Variants in ATAD2B observed in about 807,000 individuals in gnomAD.
ATAD2B encodes ATPase family AAA domain-containing protein 2B.
Under a neutral mutation model 167.6 loss-of-function variants are expected in ATAD2B, and 40 were observed. That is an observed-to-expected ratio of 0.24 (90% CI 0.19 to 0.31). ATAD2B has a LOEUF of 0.31. Ranked by LOEUF, ATAD2B falls within the 10% of genes least tolerant of loss-of-function variation. ATAD2B has a pLI of 1.00. For synonymous variants in ATAD2B, 579 were observed against 596.5 expected, an observed-to-expected ratio of 0.97 and a Z score of 0.43; for missense variants, 1,242 against 1,757.2, an observed-to-expected ratio of 0.71 and a Z score of 5.24.
In ATAD2B at chr2:23,823,280, A is replaced by G. The variant is rs745540881; in HGVS notation, c.2109T>C (p.Ile703=). ...VLQKVFPHAE[I]SQSDKKEDIE... is the part of the protein sequence containing the mutation. ...TACCTTCTTTTTTGTCACTCTGGCT[A>G]ATTTCAGCATGAGGAAACACTTTTT... is the stretch of plus-strand genomic sequence containing the variant. Residue 703 remains isoleucine, a synonymous_variant, in exon 16 of 28, where the codon ATT becomes ATC. Transcript: ENST00000238789. 2 of 1,611,640 alleles carry G rather than the reference A, an allele frequency of 1.2e-6. No individual in the cohort carries two copies. The highest frequency in any genetic ancestry group is 3.3e-5 in the Admixed American group (2 of 59,846).
At chr2:23,698,778 CCTT>C in the ATAD2B span, among the ~76,000 whole-genome samples, 22 of 152,098 alleles carry the variant, frequency 1.4e-4, no homozygotes, top group Non-Finnish European at 2.4e-4. Context: ...ATTAGCATAT[CCTT>C]CTCAAGCAGG....
chr2:23,791,682 A>G (rs1466345226), intron 19 of ATAD2B, among the ~76,000 whole-genome samples: 1 of 152,216 alleles, frequency 6.6e-6, no homozygotes, highest in African/African-American at 2.4e-5. Context: ...TAATGTCTTC[A>G]AGCTTCATCC....
At chr2:23,859,816 G>A (rs143784146) in intron 12 of ATAD2B, among the ~76,000 whole-genome samples, 8 of 151,830 alleles carry the variant, frequency 5.3e-5, no homozygotes, top group Non-Finnish European at 7.4e-5. Context: ...CGCGTGGCGG[G>A]GGGGGCACCT....
intron 25 of ATAD2B, among the ~76,000 whole-genome samples, chr2:23,757,027 TAA>T (rs1676031434): frequency 6.6e-6 from 1 of 152,154 alleles, no homozygotes; most frequent in South Asian, 2.1e-4. Flanking sequence ...CTATTATCAC[TAA>T]GTCTTCTCTG....
intron 21 of ATAD2B, among the ~76,000 whole-genome samples, chr2:23,783,717 AG>A (rs745945666): frequency 2.0e-5 from 3 of 152,120 alleles, no homozygotes; most frequent in Non-Finnish European, 4.4e-5. Context: ...CAATAAATTG[AG>A]TATCCCTGAC....
At chr2:23,821,024 T>C (rs192834311) in intron 16 of ATAD2B, among the ~76,000 whole-genome samples, 11 of 152,284 alleles carry the variant, frequency 7.2e-5, no homozygotes, top group Admixed American at 2.0e-4. Flanking sequence ...TTTTGAGTGA[T>C]AATTTCATAC....
chr2:23,923,145 T>C (rs1003055720), intron 1 of ATAD2B, among the ~76,000 whole-genome samples: 1 of 152,186 alleles, frequency 6.6e-6, no homozygotes, highest in African/African-American at 2.4e-5. Flanking sequence ...GTGGTGTACA[T>C]GTGTGCATGC....
chr2:23,711,293 A>T, the ATAD2B span, among the ~76,000 whole-genome samples: 25 of 147,830 alleles, frequency 1.7e-4, no homozygotes, highest in African/African-American at 5.5e-4. Flanking sequence ...ATATATTTTT[A>T]AAAATGGGTA....
At chr2:23,878,010 CAAAG>C (rs1434845158) in intron 7 of ATAD2B, among the ~76,000 whole-genome samples, 711 of 28,366 alleles carry the variant, frequency 0.025, 50 homozygotes, top group Admixed American at 0.087. Flanking sequence ...ACCCTATCTC[CAAAG>C]AAAAAAAAAA....
intron 8 of ATAD2B, 30 bp from the exon 9 acceptor site, chr2:23,869,791 C>T (rs970213000): frequency 2.1e-6 from 3 of 1,437,434 alleles, no homozygotes; most frequent in Admixed American, 4.2e-5. Context: ...TCCTTAAAAC[C>T]ATTATAATAG....
At chr2:23,884,900 A>T in intron 5 of ATAD2B, 27 bp from the exon 6 acceptor site, 2 of 1,404,096 alleles carry the variant, frequency 1.4e-6, no homozygotes, top group South Asian at 1.4e-5. Flanking sequence ...TCTGTCAAAT[A>T]GCAACATGAC....
chr2:23,754,200 A>G lies in ATAD2B; in HGVS notation c.4314T>C (p.Tyr1438=). Residue 1438 remains tyrosine (Y), a synonymous_variant, in exon 27 of 28, where the codon TAT becomes TAC. Coordinates refer to ENST00000238789, the MANE Select transcript of ATAD2B (RefSeq NM_017552.4). ...TTACCTCTACAAGTTGTGATTTGTC[A>G]TAATCTTTACGATGACGGTAGATAC... ...SQCIYRHRKD[Y]DKSQLVEEME... The G allele has an allele frequency of 1.3e-6, 2 of 1,548,784 alleles. No homozygotes were observed. The highest frequency in any genetic ancestry group is 1.7e-6 in the Non-Finnish European group (2 of 1,146,426).
intron 1 of ATAD2B, among the ~76,000 whole-genome samples, chr2:23,924,683 A>G (rs756988353): frequency 6.6e-6 from 1 of 152,182 alleles, no homozygotes; most frequent in Non-Finnish European, 1.5e-5. Context: ...AATCTTTAGT[A>G]CCCTGTTATT....
the ATAD2B span, chr2:23,707,717 G>A: frequency 1.3e-5 from 2 of 152,278 alleles, no homozygotes; most frequent in Non-Finnish European, 2.9e-5. Flanking sequence ...GGGAGAATTA[G>A]CGTCTATAAA....
chr2:23,743,473 G>C, the ATAD2B span, among the ~76,000 whole-genome samples: 15 of 150,366 alleles, frequency 1.0e-4, no homozygotes, highest in South Asian at 2.9e-3. Context: ...TGAGGCAGGA[G>C]AATCGCTCGA....
the ATAD2B span, chr2:23,703,592 C>T: frequency 8.0e-7 from 1 of 1,251,620 alleles, no homozygotes; most frequent in Non-Finnish European, 1.1e-6. Flanking sequence ...CGGACCCATC[C>T]CCAGGCCAAT....
At chr2:23,780,497 A>G (rs780476428) in intron 22 of ATAD2B, among the ~76,000 whole-genome samples, 1 of 152,206 alleles carries the variant, frequency 6.6e-6, no homozygotes, top group Non-Finnish European at 1.5e-5. Context: ...GTGATTTATT[A>G]TGGTTGAAAC....
In ATAD2B at chr2:23,798,090, T is replaced by C. The variant is rs1410412938; in HGVS notation, c.2640+48A>G. 3 of 1,237,852 alleles carry C rather than the reference T, an allele frequency of 2.4e-6. No homozygotes were observed. The South Asian group carries it at 5.9e-5, about 24-fold the overall frequency. The allele number at this position is 1,237,852 out of a possible 1,614,324, so 76.7% of individuals were successfully genotyped here. ...GGTGTCCAATTTACAGAGTCAACTA[T>C]TTTAGAACAATATAATAAGGAAAGA... is the stretch of plus-strand genomic sequence containing the variant. On this transcript the variant is annotated intron_variant, in intron 19 of 27. Coordinates refer to ENST00000238789, the MANE Select transcript of ATAD2B (RefSeq NM_017552.4).
rs774903683 is a variant in ATAD2B, at chr2:23,810,382, C to A, written c.2388G>T (p.Val796=). 87 of 1,613,800 alleles carry A rather than the reference C, an allele frequency of 5.4e-5. No homozygotes were observed. Among genetic ancestry groups the A allele is most frequent in the Non-Finnish European group, 7.0e-5 (83 of 1,179,860 alleles). Residue 796 remains valine (V), a synonymous_variant, in exon 18 of 28, where the codon GTG becomes GTT. Coordinates refer to ENST00000238789, the MANE Select transcript of ATAD2B (RefSeq NM_017552.4). ...ALLHTLERFS[V]HRLDLPALYS... ...AAAGTGCTGGGAGATCTAGTCTATG[C>A]ACAGAGAATCTTTCTAGAGTGTGCA... is the stretch of plus-strand genomic sequence containing the variant.
Sources: allele counts gnomAD v4.1 joint callset (sites outside exome capture counted in the v4.1 genomes callset), GRCh38; gene constraint gnomAD v4.1.1; transcripts MANE v1.5; gene names NCBI Gene and HGNC (gene_info 2026-07-23, HGNC 2026-07-21).